PYGB: variants seen among roughly 807,000 people sequenced by gnomAD.
PYGB encodes the protein glycogen phosphorylase B.
In PYGB, 82 loss-of-function variants were observed where a neutral mutation model predicts 94.3. The observed-to-expected ratio is 0.87, with a 90% CI of 0.73 to 1.04. PYGB has a LOEUF of 1.04. PYGB is among the 50% of genes least tolerant of loss of function. The probability of loss-of-function intolerance (pLI) is 0.00; values close to 1 mark genes in which losing one functional copy is unlikely to be tolerated. For synonymous variants in PYGB, 488 were observed against 479.1 expected (o/e 1.02, Z -0.24); for missense variants, 1,132 against 1,158.2 (o/e 0.98, Z 0.33).
chr20:25,275,437 C>A (rs1471298277), intron 5 of PYGB, among the ~76,000 whole-genome samples: 2 of 152,112 alleles, frequency 1.3e-5, no homozygotes, highest in Non-Finnish European at 2.9e-5. Context: ...GTGGGGGCAT[C>A]GGTGAGACTC....
chr20:25,290,369 C>T (rs961042891), intron 15 of PYGB, 112 bp from the exon 16 acceptor site: 1 of 1,384,226 alleles, frequency 7.2e-7, no homozygotes, highest in Non-Finnish European at 1.0e-6. Flanking sequence ...GTCCCGACGG[C>T]AGGTTCCTGT....
At position 25,286,459 on chromosome 20, in the gene PYGB, G is replaced by A. The variant is rs528155316; in HGVS notation, c.1769-1966G>A. On this transcript the variant is annotated intron_variant, in intron 14 of 19. Transcript: ENST00000216962. ...GGCTCCATGTCTTTCCAAGTTGGTG[G>A]TCACCAAGGGTATGTGATTTGCGAA... Among the ~76,000 whole-genome samples the A allele has an allele frequency of 9.2e-5, 14 of 152,262 alleles. No individual in the cohort carries two copies. The South Asian group carries it at 2.7e-3, about 29-fold the overall frequency.
At chr20:25,262,152 A>C (rs2092914977) in intron 2 of PYGB, among the ~76,000 whole-genome samples, 2 of 152,358 alleles carry the variant, frequency 1.3e-5, no homozygotes, top group South Asian at 4.1e-4. Flanking sequence ...CTCCTCGAGA[A>C]GAGCAACTCC....
intron 2 of PYGB, among the ~76,000 whole-genome samples, chr20:25,266,323 A>G (rs951526559): frequency 3.3e-5 from 5 of 152,024 alleles, no homozygotes; most frequent in Non-Finnish European, 7.3e-5. Flanking sequence ...AACAAATGGT[A>G]TTGGGATATT....
At chr20:25,276,525 GGGGAGAC>G in intron 5 of PYGB, 114 bp from the exon 6 acceptor site, 1 of 743,322 alleles carries the variant, frequency 1.3e-6, no homozygotes, top group Non-Finnish European at 2.3e-6. Context: ...TGGGCAGAAG[GGGGAGAC>G]GGTGGGGGGC....
chr20:25,292,756 C>A, intron 17 of PYGB, 143 bp downstream of exon 17: 2 of 1,139,236 alleles, frequency 1.8e-6, no homozygotes, highest in Non-Finnish European at 2.4e-6. Context: ...GTGTGCCTGC[C>A]TGCAGGGGTG....
chr20:25,269,268 G>A, intron 3 of PYGB, 61 bp downstream of exon 3: 1 of 1,394,696 alleles, frequency 7.2e-7, no homozygotes, highest in Non-Finnish European at 1.0e-6. Flanking sequence ...GAGGCCACGT[G>A]GTGAGGCCAG....
chr20:25,281,995 C>T, intron 11 of PYGB, 38 bp from the exon 12 acceptor site: 1 of 1,541,038 alleles, frequency 6.5e-7, no homozygotes, highest in Non-Finnish European at 9.0e-7. Flanking sequence ...GTGCAGGGCA[C>T]AGCATTTGTG....
chr20:25,258,623 G>A (rs2092907269), intron 1 of PYGB, among the ~76,000 whole-genome samples: 1 of 152,244 alleles, frequency 6.6e-6, no homozygotes, highest in African/African-American at 2.4e-5. Flanking sequence ...GCACTGCATG[G>A]GTGGCCGTCC....
In PYGB at chr20:25,276,762, G is replaced by A. The variant is rs201710221; in HGVS notation, c.772+5G>A. On this transcript the variant is annotated splice_donor_5th_base_variant and intron_variant, in intron 6 of 19. Coordinates refer to ENST00000216962, the MANE Select transcript of PYGB (RefSeq NM_002862.4). ...ACGACTTCAAGCTGCAGGACTGTAC[G>A]TTCCGTGGTTCTTGGCACCCTTGTG... is the stretch of plus-strand genomic sequence containing the variant. 90 of 1,611,868 alleles carry A rather than the reference G, an allele frequency of 5.6e-5. No individual in the cohort carries two copies. Among genetic ancestry groups the A allele is most frequent in the Non-Finnish European group, 7.2e-5 (85 of 1,178,286 alleles).
At chr20:25,281,869 C>G (rs1226834034) in intron 11 of PYGB, among the ~76,000 whole-genome samples, 164 bp from the exon 12 acceptor site, 1 of 151,060 alleles carries the variant, frequency 6.6e-6, no homozygotes, top group African/African-American at 2.4e-5. Context: ...CGTATGGCTC[C>G]CAGAGCCTGC....
chr20:25,281,832 G>A (rs940359842), intron 11 of PYGB, among the ~76,000 whole-genome samples: 3 of 152,252 alleles, frequency 2.0e-5, no homozygotes, highest in African/African-American at 4.8e-5. Context: ...GCCAGCCACA[G>A]ATGCCCCGGG....
chr20:25,266,879 C>T (rs2088222861), intron 2 of PYGB, among the ~76,000 whole-genome samples: 1 of 152,194 alleles, frequency 6.6e-6, no homozygotes, highest in South Asian at 2.1e-4. Context: ...GGATATAGAG[C>T]AGTTGGTGTG....
intron 14 of PYGB, chr20:25,285,401 A>C (rs1600738358): frequency 6.7e-6 from 1 of 148,324 alleles, no homozygotes; most frequent in African/African-American, 2.5e-5. Context: ...CCGCTCCACC[A>C]CCCCCACAGT....
chr20:25,259,541 C>T (rs185205882), intron 2 of PYGB, among the ~76,000 whole-genome samples: 14 of 152,254 alleles, frequency 9.2e-5, no homozygotes, highest in African/African-American at 1.9e-4. Flanking sequence ...AAGAATCGAA[C>T]GGACCGCAAG....
rs1414890622 is a variant in PYGB, at chr20:25,281,087, C to T, written c.1378C>T (p.His460Tyr). 2 of 1,614,070 alleles carry T rather than the reference C, an allele frequency of 1.2e-6. No homozygotes were observed. Among genetic ancestry groups the T allele is most frequent in the African/African-American group, 2.7e-5 (2 of 74,934 alleles). Residue 460 changes from histidine (H) to tyrosine (Y), a missense_variant, in exon 11 of 20, where the codon CAC becomes TAC. His to Tyr is a moderately conservative substitution (Grantham distance 83). Transcript: ENST00000216962. ...TGCTGTCAATGGTGTGGCGAGGATC[C>T]ACTCGGAGATCGTGAAACAGTCGGT... The part of the protein sequence containing the change: ...SHAVNGVARI[H>Y]SEIVKQSVFK...
chr20:25,269,867 C>T (rs2123545732), intron 3 of PYGB, among the ~76,000 whole-genome samples: 1 of 152,296 alleles, frequency 6.6e-6, no homozygotes, highest in South Asian at 2.1e-4. Flanking sequence ...TTGGGGTGTT[C>T]CAGGTCCTTG....
Position 25,259,317 on chromosome 20 carries a change from C to T in PYGB, c.324C>T (p.Ala108=), listed in dbSNP as rs749142886. The change falls in exon 2 of 20, where the codon GCC becomes GCT. Residue 108 remains alanine (A), a synonymous_variant. Coordinates refer to ENST00000216962, the MANE Select transcript of PYGB (RefSeq NM_002862.4). The part of the protein sequence containing the change: ...NTMVNLGLQN[A]CDEAIYQLGL... ...TGGTGAACCTGGGCCTTCAGAATGCCTGCGATGAAGCCATCTATCAGGTAC... is the reference window on the plus strand; with the variant it reads ...TGGTGAACCTGGGCCTTCAGAATGCTTGCGATGAAGCCATCTATCAGGTAC... 2 of 1,610,510 alleles carry T rather than the reference C, an allele frequency of 1.2e-6. No individual in the cohort carries two copies. The highest frequency in any genetic ancestry group is 8.5e-7 in the Non-Finnish European group (1 of 1,176,626).
In PYGB at chr20:25,296,382, T is replaced by C; in HGVS notation, c.2392T>C (p.Trp798Arg). 1.9e-6 allele frequency: 3 copies of C among 1,613,384 alleles called. No individual in the cohort carries two copies. Among genetic ancestry groups the C allele is most frequent in the Non-Finnish European group, 2.5e-6 (3 of 1,179,894 alleles). ...VDQLYRNPKE[W>R]TKKVIRNIAC... ...TCCTTCCCTGCAGAACCCCAAGGAG[T>C]GGACCAAGAAGGTCATCAGGAACAT... Residue 798 changes from tryptophan (W) to arginine (R), a missense_variant, in exon 20 of 20, where the codon TGG becomes CGG. Trp to Arg is a moderately radical substitution (Grantham distance 101, BLOSUM62 -3). Coordinates refer to ENST00000216962, the MANE Select transcript of PYGB (RefSeq NM_002862.4).
Sources: allele counts gnomAD v4.1 joint callset (sites outside exome capture counted in the v4.1 genomes callset), GRCh38; gene constraint gnomAD v4.1.1; transcripts MANE v1.5; gene names NCBI Gene and HGNC (gene_info 2026-07-23, HGNC 2026-07-21).